Variants in ODF4 observed in about 807,000 individuals in gnomAD.
The protein encoded by ODF4 is outer dense fiber of sperm tails 4.
A neutral mutation model predicts 17.0 loss-of-function variants in ODF4; 11 were observed. The ratio of observed to expected loss-of-function variants is 0.65; its 90% confidence interval spans 0.41 to 1.07. The LOEUF is 1.07. ODF4 is among the 50% of genes least tolerant of loss of function. The probability of loss-of-function intolerance (pLI) is 0.00; values close to 1 mark genes in which losing one functional copy is unlikely to be tolerated. For synonymous variants in ODF4, 127 were observed against 121.8 expected (o/e 1.04, Z -0.28); for missense variants, 281 against 310.2 (o/e 0.91, Z 0.71).
rs542261676 is a variant in ODF4, at chr17:8,340,937, C to G, written c.454+432C>G. On this transcript the variant is annotated intron_variant, in intron 1 of 2. Transcript: ENST00000328248. ...GGCACTGCGTCTCACACCTGTAATC[C>G]CAGCACTTTGGGAGGCCAAAGCAGG... is the stretch of plus-strand genomic sequence containing the variant. 6.6e-5 allele frequency among the ~76,000 whole-genome samples: 10 copies of G among 151,602 alleles called. 2 individuals carry two copies. Among genetic ancestry groups the G allele is most frequent in the African/African-American group, 2.4e-4 (10 of 41,312 alleles).
In ODF4 at chr17:8,345,063, G is replaced by T. The variant is rs2151658375; in HGVS notation, c.455-280G>T. The stretch of plus-strand genomic sequence containing the variant: ...TGAAGGTGCCTCCTAGCTCTGGAAA[G>T]GTCCTTTGTTTTCCTAACCCCCATC... On this transcript the variant is annotated intron_variant, in intron 1 of 2. Coordinates refer to ENST00000328248, the MANE Select transcript of ODF4 (RefSeq NM_153007.5). This position sits in a 1 kb window ranked among gnomAD's most constrained non-coding sequence, Gnocchi z 4.1. The T allele has an allele frequency of 3.7e-6, 4 of 1,094,796 alleles. No homozygotes were observed. The highest frequency in any genetic ancestry group is 1.6e-5 in the African/African-American group (1 of 61,788). The allele number at this position is 1,094,796 out of a possible 1,614,324, so 67.8% of individuals were successfully genotyped here. A position where few individuals can be genotyped will look rare whatever the true frequency, so the allele number is the denominator to read the frequency against.
Position 8,345,917 on chromosome 17 carries a change from C to T in ODF4, c.*65C>T. ...CTGACCCCATCTCCTCATCCTCCCCCAGCCCTTGAATAGGTTGGTCCTCAT... is the reference window on the plus strand; with the variant it reads ...CTGACCCCATCTCCTCATCCTCCCCTAGCCCTTGAATAGGTTGGTCCTCAT... On this transcript the variant is annotated 3_prime_UTR_variant, in exon 3 of 3. Coordinates refer to ENST00000328248, the MANE Select transcript of ODF4 (RefSeq NM_153007.5). The surrounding 1 kb of genome is among the most constrained non-coding windows in gnomAD (Gnocchi z 4.1). The T allele has an allele frequency of 7.1e-7, 1 of 1,398,904 alleles. No individual in the cohort carries two copies. The highest frequency in any genetic ancestry group is 2.3e-5 in the East Asian group (1 of 43,550). 86.7% of individuals were successfully genotyped at this position (1,398,904 alleles called of 1,614,324 possible).
At position 8,340,395 on chromosome 17, in the gene ODF4, G is replaced by A. The variant is rs761960122; in HGVS notation, c.344G>A (p.Arg115His). The A allele has an allele frequency of 1.1e-5, 17 of 1,613,408 alleles. No individual in the cohort carries two copies. In the Admixed American group the frequency reaches 1.5e-4, roughly 14 times the overall value. ...LDLSRSLFYQ[R>H]WPVDVSNRIH... Reference sequence around the variant, plus strand: ...CTCTCTAGGAGCCTCTTCTACCAGCGCTGGCCCGTGGATGTCAGCAACAGA... The same window carrying A: ...CTCTCTAGGAGCCTCTTCTACCAGCACTGGCCCGTGGATGTCAGCAACAGA... Residue 115 changes from arginine (R) to histidine (H), a missense_variant, in exon 1 of 3, where the codon CGC becomes CAC. Physicochemically the swap from Arg to His is conservative, Grantham distance 29 (BLOSUM62 0). Transcript: ENST00000328248.
chr17:8,345,566 G>C lies in ODF4; in HGVS notation c.589+89G>C. On this transcript the variant is annotated intron_variant, in intron 2 of 2. Coordinates refer to ENST00000328248, the MANE Select transcript of ODF4 (RefSeq NM_153007.5). This position sits in a 1 kb window ranked among gnomAD's most constrained non-coding sequence, Gnocchi z 4.1. Reference sequence around the variant, plus strand: ...GGAGGGAAGAGGCTGGCAATCCCCAGGGCTAGATTTTTAGGGTCTTATCTT... The same window carrying C: ...GGAGGGAAGAGGCTGGCAATCCCCACGGCTAGATTTTTAGGGTCTTATCTT... 2.6e-6 allele frequency: 4 copies of C among 1,548,410 alleles called. No homozygotes were observed. Among genetic ancestry groups the C allele is most frequent in the Non-Finnish European group, 3.5e-6 (4 of 1,130,564 alleles).
chr17:8,341,591 C>A (rs1307470601), intron 1 of ODF4, among the ~76,000 whole-genome samples: 1 of 152,056 alleles, frequency 6.6e-6, no homozygotes, highest in African/African-American at 2.4e-5. Flanking sequence ...AACTTCCAGG[C>A]TCAAGGGATC....
Position 8,345,401 on chromosome 17 carries a change from G to A in ODF4, c.513G>A (p.Leu171=). The A allele has an allele frequency of 6.2e-7, 1 of 1,613,428 alleles. No homozygotes were observed. The highest frequency in any genetic ancestry group is 8.5e-7 in the Non-Finnish European group (1 of 1,179,410). The change falls in exon 2 of 3, where the codon TTG becomes TTA. Residue 171 remains leucine, a synonymous_variant. Coordinates refer to ENST00000328248, the MANE Select transcript of ODF4 (RefSeq NM_153007.5). The surrounding 1 kb of genome is among the most constrained non-coding windows in gnomAD (Gnocchi z 4.1). The stretch of plus-strand genomic sequence containing the variant: ...CCATTAACATCTGGATCTTCGAGTT[G>A]GAAAGGAATGTATCCATCCCCATAG... ...LFPINIWIFE[L]ERNVSIPIGW...
chr17:8,345,066 C>T lies in ODF4; in HGVS notation c.455-277C>T, dbSNP rs570090809. On this transcript the variant is annotated intron_variant, in intron 1 of 2. Coordinates refer to ENST00000328248, the MANE Select transcript of ODF4 (RefSeq NM_153007.5). The surrounding 1 kb of genome is among the most constrained non-coding windows in gnomAD (Gnocchi z 4.1). ...AGGTGCCTCCTAGCTCTGGAAAGGT[C>T]CTTTGTTTTCCTAACCCCCATCTTC... 2.3e-4 allele frequency: 242 copies of T among 1,037,450 alleles called. 3 individuals carry two copies. The South Asian group carries it at 5.9e-3, about 25-fold the overall frequency. The allele number at this position is 1,037,450 out of a possible 1,614,324, so 64.3% of individuals were successfully genotyped here. A position where few individuals can be genotyped will look rare whatever the true frequency, so the allele number is the denominator to read the frequency against.
At chr17:8,340,574 G>A in intron 1 of ODF4, 69 bp downstream of exon 1, 1 of 886,782 alleles carries the variant, frequency 1.1e-6, no homozygotes, top group Admixed American at 2.3e-5. Flanking sequence ...CTGCACCCTG[G>A]ATGTATTCTT....
chr17:8,344,530 C>T (rs62064303), intron 1 of ODF4, among the ~76,000 whole-genome samples: 5 of 127,234 alleles, frequency 3.9e-5, no homozygotes, highest in Non-Finnish European at 6.7e-5. Flanking sequence ...GGCGGCGTCT[C>T]GCTCTGTTGC....
Position 8,345,557 on chromosome 17 carries a change from C to T in ODF4, c.589+80C>T. The T allele has an allele frequency of 6.4e-7, 1 of 1,552,246 alleles. No homozygotes were observed. Among genetic ancestry groups the T allele is most frequent in the Admixed American group, 1.7e-5 (1 of 57,942 alleles). ...GGAAAGTGTGGAGGGAAGAGGCTGG[C>T]AATCCCCAGGGCTAGATTTTTAGGG... On this transcript the variant is annotated intron_variant, in intron 2 of 2. Coordinates refer to ENST00000328248, the MANE Select transcript of ODF4 (RefSeq NM_153007.5). The surrounding 1 kb of genome is among the most constrained non-coding windows in gnomAD (Gnocchi z 4.1).
At position 8,340,518 on chromosome 17, in the gene ODF4, A is replaced by AC. The variant is rs1567687374; in HGVS notation, c.454+19dup. ...GAGAATGGGAAAGGTGAGCCCCTCC[A>AC]CCCCCCATCCCAGCCCAGGCCGCCA... On this transcript the variant is annotated intron_variant, in intron 1 of 2. Coordinates refer to ENST00000328248, the MANE Select transcript of ODF4 (RefSeq NM_153007.5). 2.0e-6 allele frequency: 3 copies of AC among 1,533,928 alleles called. No homozygotes were observed. Among genetic ancestry groups the AC allele is most frequent in the South Asian group, 1.1e-5 (1 of 87,146 alleles).
chr17:8,344,762 C>T (rs923247676), intron 1 of ODF4: 1 of 536,360 alleles, frequency 1.9e-6, no homozygotes, highest in African/African-American at 2.1e-5. Flanking sequence ...GCTAGGATTA[C>T]AGGCGTGAGT....
Position 8,345,849 on chromosome 17 carries a change from G to A in ODF4, c.771G>A (p.Val257=). 4 of 1,613,134 alleles carry A rather than the reference G, an allele frequency of 2.5e-6. No homozygotes were observed. The highest frequency in any genetic ancestry group is 3.4e-6 in the Non-Finnish European group (4 of 1,179,316). Reference sequence around the variant, plus strand: ...ATCCTGAGCAGAAGGATACACATGTGTAATCTTTTCTGAACTCCTGGCACC... The same window carrying A: ...ATCCTGAGCAGAAGGATACACATGTATAATCTTTTCTGAACTCCTGGCACC... ...VLDPEQKDTH[V] is the part of the protein sequence containing the mutation. Residue 257 remains valine, a synonymous_variant, in exon 3 of 3, where the codon GTG becomes GTA. Coordinates refer to ENST00000328248, the MANE Select transcript of ODF4 (RefSeq NM_153007.5). The surrounding 1 kb of genome is among the most constrained non-coding windows in gnomAD (Gnocchi z 4.1).
Position 8,345,363 on chromosome 17 carries a change from C to T in ODF4, c.475C>T (p.Leu159Phe). The change falls in exon 2 of 3, where the codon CTC (leucine) becomes TTC (phenylalanine). Residue 159 changes from leucine to phenylalanine, a missense_variant. Transcript: ENST00000328248. This position sits in a 1 kb window ranked among gnomAD's most constrained non-coding sequence, Gnocchi z 4.1. ...CCTAGTCACCTTCATCTTCTCCACCCTCATGCTATTCCCCATTAACATCTG... is the reference window on the plus strand; with the variant it reads ...CCTAGTCACCTTCATCTTCTCCACCTTCATGCTATTCCCCATTAACATCTG... ...NGKVTFIFST[L>F]MLFPINIWIF... 6.2e-7 allele frequency: 1 copy of T among 1,613,854 alleles called. No individual in the cohort carries two copies. The highest frequency in any genetic ancestry group is 1.7e-4 in the Middle Eastern group (1 of 6,060).
At position 8,345,339 on chromosome 17, in the gene ODF4, C is replaced by G. The variant is rs1906191886; in HGVS notation, c.455-4C>G. The G allele has an allele frequency of 6.2e-7, 1 of 1,612,924 alleles. No homozygotes were observed. The highest frequency in any genetic ancestry group is 8.5e-7 in the Non-Finnish European group (1 of 1,179,162). The stretch of plus-strand genomic sequence containing the variant: ...AATGAGACCCTCTGCCTCCTGTCTC[C>G]TAGTCACCTTCATCTTCTCCACCCT... On this transcript the variant is annotated splice_region_variant and splice_polypyrimidine_tract_variant and intron_variant, in intron 1 of 2. Transcript: ENST00000328248. The surrounding 1 kb of genome is among the most constrained non-coding windows in gnomAD (Gnocchi z 4.1).
In ODF4 at chr17:8,340,468, C is replaced by CA. The variant is rs1484858024; in HGVS notation, c.420dup (p.Ser141IlefsTer6). On this transcript the variant is annotated frameshift_variant, in exon 1 of 3. Coordinates refer to ENST00000328248, the MANE Select transcript of ODF4 (RefSeq NM_153007.5). LOFTEE classifies it high-confidence loss of function. ...TGTCCATGGGGCTCCTGCACTTTTA[C>CA]AAATCCAGGAGCTGTTCTGACTTAG... is the stretch of plus-strand genomic sequence containing the variant. 4 of 1,612,782 alleles carry CA rather than the reference C, an allele frequency of 2.5e-6. No individual in the cohort carries two copies. The highest frequency in any genetic ancestry group is 3.4e-6 in the Non-Finnish European group (4 of 1,179,418).
chr17:8,345,920 C>G lies in ODF4; in HGVS notation c.*68C>G, dbSNP rs1906231370. On this transcript the variant is annotated 3_prime_UTR_variant, in exon 3 of 3. Coordinates refer to ENST00000328248, the MANE Select transcript of ODF4 (RefSeq NM_153007.5). The surrounding 1 kb of genome is among the most constrained non-coding windows in gnomAD (Gnocchi z 4.1). ...ACCCCATCTCCTCATCCTCCCCCAG[C>G]CCTTGAATAGGTTGGTCCTCATCAT... is the stretch of plus-strand genomic sequence containing the variant. 1.5e-6 allele frequency: 2 copies of G among 1,345,990 alleles called. No homozygotes were observed. The highest frequency in any genetic ancestry group is 2.1e-6 in the Non-Finnish European group (2 of 951,778). 83.4% of individuals were successfully genotyped at this position (1,345,990 alleles called of 1,614,324 possible). A position where few individuals can be genotyped will look rare whatever the true frequency, so the allele number is the denominator to read the frequency against.
In ODF4 at chr17:8,343,974, C is replaced by T. The variant is rs1052542522; in HGVS notation, c.455-1369C>T. ...CAGCTAATTTTTATATTTTTAGTAG[C>T]GATGGGGTTTCACCATGTTGCCCAG... On this transcript the variant is annotated intron_variant, in intron 1 of 2. Transcript: ENST00000328248. Among the ~76,000 whole-genome samples the T allele has an allele frequency of 5.7e-5, 6 of 104,896 alleles. 1 individual carries two copies. The highest frequency in any genetic ancestry group is 6.3e-4 in the South Asian group (2 of 3,156). 68.8% of individuals were successfully genotyped at this position (104,896 alleles called of 152,430 possible).
intron 1 of ODF4, among the ~76,000 whole-genome samples, chr17:8,341,130 C>T (rs987934748): frequency 2.0e-5 from 3 of 150,596 alleles, no homozygotes; most frequent in African/African-American, 7.3e-5. Flanking sequence ...GTGGAGGTTG[C>T]GGTGAGCCGA....
Sources: gnomAD v4.1 joint callset for allele counts (sites outside exome capture counted in the v4.1 genomes callset) on GRCh38, gnomAD v4.1.1 for gene constraint, Gnocchi (gnomAD v3.1) non-coding constraint, MANE v1.5 for transcripts, NCBI Gene and HGNC (gene_info 2026-07-23, HGNC 2026-07-21) for gene names.